MAF: variants seen among roughly 807,000 people sequenced by gnomAD.
The protein encoded by MAF is transcription factor Maf.
MAF carries 10 observed loss-of-function variants against 22.0 expected under a neutral mutation model. The ratio of observed to expected loss-of-function variants is 0.45; its 90% CI spans 0.28 to 0.77. The LOEUF is 0.77. MAF is among the 30% of genes least tolerant of loss of function. The pLI is 0.12. For missense variants in MAF, 544 were observed against 548.4 expected (o/e 0.99, Z 0.08); for synonymous variants, 337 against 255.8 (o/e 1.32, Z -3.03).
the MAF span, among the ~76,000 whole-genome samples, chr16:79,537,069 A>G: frequency 2.6e-5 from 4 of 152,222 alleles, no homozygotes; most frequent in African/African-American, 9.7e-5. Context: ...ACATGTACCC[A>G]GAAGCTCACA....
chr16:79,463,986 G>C, the MAF span, among the ~76,000 whole-genome samples: 7 of 150,706 alleles, frequency 4.6e-5, no homozygotes, highest in Non-Finnish European at 1.0e-4. Context: ...AAAAAAATAC[G>C]GACGATAAAA....
chr16:79,331,015 AG>A, the MAF span, among the ~76,000 whole-genome samples: 1 of 152,256 alleles, frequency 6.6e-6, no homozygotes, highest in Non-Finnish European at 1.5e-5. Flanking sequence ...TAAAACAAGG[AG>A]AAAAATGAAC....
At chr16:79,385,312 C>T in the MAF span, among the ~76,000 whole-genome samples, 1 of 152,202 alleles carries the variant, frequency 6.6e-6, no homozygotes, top group South Asian at 2.1e-4. Flanking sequence ...CATTGGATTA[C>T]ACTGAGAATG....
chr16:79,279,506 G>A, the MAF span, among the ~76,000 whole-genome samples: 5 of 152,188 alleles, frequency 3.3e-5, no homozygotes, highest in Admixed American at 3.3e-4. Flanking sequence ...GGCTGAAGCG[G>A]GGAGCACAGG....
At chr16:79,516,446 G>C in the MAF span, among the ~76,000 whole-genome samples, 22 of 152,250 alleles carry the variant, frequency 1.4e-4, no homozygotes, top group African/African-American at 4.6e-4. Context: ...ACAAGGCAAA[G>C]GTGAGTATTA....
rs1913918086 is a variant in MAF, at chr16:79,600,045, G to A, written c.-143C>T. 5.9e-6 allele frequency: 7 copies of A among 1,181,078 alleles called. No homozygotes were observed. The highest frequency in any genetic ancestry group is 2.9e-5 in the South Asian group (2 of 69,854). 73.2% of individuals were successfully genotyped at this position (1,181,078 alleles called of 1,614,324 possible). On this transcript the variant is annotated 5_prime_UTR_variant, in exon 1 of 2. Transcript: ENST00000326043. The stretch of plus-strand genomic sequence containing the variant: ...TAGCTTGCGCGGCGGTGGCTGGCCC[G>A]AAACCTCCGAGCGCGCTCACACACA...
At chr16:79,508,949 G>C in the MAF span, among the ~76,000 whole-genome samples, 1 of 152,192 alleles carries the variant, frequency 6.6e-6, no homozygotes, top group African/African-American at 2.4e-5. Flanking sequence ...GGTGATGTCT[G>C]CCTGGCACTG....
the MAF span, among the ~76,000 whole-genome samples, chr16:79,271,463 G>A: frequency 6.6e-6 from 1 of 152,156 alleles, no homozygotes; most frequent in Non-Finnish European, 1.5e-5. Context: ...GATGGAATTC[G>A]TGTAGCTGCA....
At chr16:79,282,678 T>G in the MAF span, among the ~76,000 whole-genome samples, 1 of 152,218 alleles carries the variant, frequency 6.6e-6, no homozygotes, top group Non-Finnish European at 1.5e-5. Context: ...TATCAGTTTG[T>G]CATATGATCT....
the MAF span, among the ~76,000 whole-genome samples, chr16:79,537,115 A>G: frequency 1.3e-5 from 2 of 152,232 alleles, no homozygotes; most frequent in African/African-American, 2.4e-5. Context: ...GGAAGACTAC[A>G]TACTCAACTG....
At chr16:79,224,992 C>G in the MAF span, among the ~76,000 whole-genome samples, 5 of 152,248 alleles carry the variant, frequency 3.3e-5, no homozygotes, top group South Asian at 8.3e-4. Flanking sequence ...TGACTTTCTT[C>G]ACAGAATTAG....
the MAF span, among the ~76,000 whole-genome samples, chr16:79,464,647 A>T: frequency 2.0e-4 from 30 of 152,224 alleles, no homozygotes; most frequent in Admixed American, 3.3e-4. Flanking sequence ...TCTTCAGGGT[A>T]CCTGGCAAAT....
chr16:79,503,793 T>C, the MAF span, among the ~76,000 whole-genome samples: 5 of 152,244 alleles, frequency 3.3e-5, no homozygotes, highest in African/African-American at 1.2e-4. Flanking sequence ...TGTTTCTGCC[T>C]TATGGTTACT....
the MAF span, among the ~76,000 whole-genome samples, chr16:79,558,395 A>G: frequency 3.3e-5 from 5 of 152,326 alleles, no homozygotes; most frequent in South Asian, 2.1e-4. Flanking sequence ...TTAAAGTCGC[A>G]TATCCTTTGC....
At chr16:79,590,584 G>C (rs974860988), downstream of MAF, among the ~76,000 whole-genome samples, 1 of 152,160 alleles carries the variant, frequency 6.6e-6, no homozygotes, top group Non-Finnish European at 1.5e-5. Context: ...AGTCAGGTGG[G>C]AAGGGTGCAG....
At chr16:79,405,094 G>A in the MAF span, among the ~76,000 whole-genome samples, 1 of 152,158 alleles carries the variant, frequency 6.6e-6, no homozygotes, top group African/African-American at 2.4e-5. Flanking sequence ...TGGACTCAAT[G>A]ATCTCGAATA....
the MAF span, among the ~76,000 whole-genome samples, chr16:79,516,792 C>T: frequency 3.3e-5 from 5 of 152,182 alleles, no homozygotes; most frequent in Admixed American, 3.3e-4. Context: ...CTAGAGGTTC[C>T]ATGGAATCTA....
the MAF span, among the ~76,000 whole-genome samples, chr16:79,472,579 G>A: frequency 1.3e-5 from 2 of 152,118 alleles, no homozygotes; most frequent in Non-Finnish European, 2.9e-5. Flanking sequence ...AATTTATACA[G>A]ACAGGAAGTA....
chr16:79,447,125 G>A, the MAF span, among the ~76,000 whole-genome samples: 1 of 152,094 alleles, frequency 6.6e-6, no homozygotes, highest in African/African-American at 2.4e-5. Flanking sequence ...TGTCTTTGGG[G>A]AGACTGTTAG....
Sources: gnomAD v4.1 joint callset for allele counts (sites outside exome capture counted in the v4.1 genomes callset) on GRCh38, gnomAD v4.1.1 for gene constraint, MANE v1.5 for transcripts, NCBI Gene and HGNC (gene_info 2026-07-23, HGNC 2026-07-21) for gene names.